GPC5: variants seen among roughly 807,000 people sequenced by gnomAD.
The protein encoded by GPC5 is glypican-5.
Under a neutral mutation model 53.9 loss-of-function variants are expected in GPC5, and 47 were observed. That is an observed-to-expected ratio of 0.87 (90% CI 0.69 to 1.11). The LOEUF (loss-of-function observed/expected upper bound fraction) is 1.11, where lower values mean the gene tolerates loss of function less well. GPC5 is among the 50% of genes most tolerant of loss of function. The pLI, the probability that GPC5 is intolerant of heterozygous loss-of-function variation, is 0.00. For synonymous variants in GPC5, 286 were observed against 263.3 expected, an observed-to-expected ratio of 1.09 and a Z score of -0.84; for missense variants, 748 against 713.1, an observed-to-expected ratio of 1.05 and a Z score of -0.56.
intron 7 of GPC5, among the ~76,000 whole-genome samples, chr13:92,182,329 C>T (rs1275858933): frequency 6.6e-6 from 1 of 152,134 alleles, no homozygotes; most frequent in African/African-American, 2.4e-5. Flanking sequence ...CAGTAAAAAA[C>T]GATCTGTGAC....
At chr13:91,849,226 A>G (rs2038886741) in intron 5 of GPC5, among the ~76,000 whole-genome samples, 1 of 152,136 alleles carries the variant, frequency 6.6e-6, no homozygotes, top group Non-Finnish European at 1.5e-5. Flanking sequence ...TCAGCCCACT[A>G]CTACCTGCCC....
At chr13:92,824,974 A>G (rs1877793802) in intron 7 of GPC5, among the ~76,000 whole-genome samples, 1 of 152,144 alleles carries the variant, frequency 6.6e-6, no homozygotes, top group South Asian at 2.1e-4. Flanking sequence ...CCAAGGTGAA[A>G]TAAAACTTTT....
intron 6 of GPC5, among the ~76,000 whole-genome samples, chr13:91,968,133 GT>G (rs1222344159): frequency 1.3e-5 from 2 of 151,922 alleles, no homozygotes; most frequent in Non-Finnish European, 2.9e-5. Flanking sequence ...GTGTTTCTTA[GT>G]TTTAGAAATG....
At chr13:92,134,067 T>C (rs1016669845) in intron 6 of GPC5, among the ~76,000 whole-genome samples, 14 of 152,290 alleles carry the variant, frequency 9.2e-5, no homozygotes, top group African/African-American at 3.4e-4. Context: ...GCTTCACTTC[T>C]GTAGAGTGTG....
At chr13:92,178,869 G>A (rs763872623) in intron 7 of GPC5, among the ~76,000 whole-genome samples, 2 of 152,122 alleles carry the variant, frequency 1.3e-5, no homozygotes, top group Non-Finnish European at 2.9e-5. Context: ...TACTCAGGAG[G>A]CTGAAGCAGG....
intron 3 of GPC5, among the ~76,000 whole-genome samples, chr13:91,709,708 G>A (rs1192870263): frequency 6.6e-6 from 1 of 152,172 alleles, no homozygotes; most frequent in African/African-American, 2.4e-5. Flanking sequence ...ATATTGATTT[G>A]CAGATGCCCA....
chr13:92,760,587 A>G (rs551082894), intron 7 of GPC5, among the ~76,000 whole-genome samples: 41 of 142,102 alleles, frequency 2.9e-4, no homozygotes, highest in African/African-American at 1.1e-3. Flanking sequence ...GAGTTTTTCA[A>G]TTTTTTTTTT....
At chr13:92,829,622 A>G (rs1353159475) in intron 7 of GPC5, among the ~76,000 whole-genome samples, 2 of 152,160 alleles carry the variant, frequency 1.3e-5, no homozygotes, top group Non-Finnish European at 2.9e-5. Flanking sequence ...CAGTATTTTT[A>G]TCCATTGCTG....
intron 7 of GPC5, among the ~76,000 whole-genome samples, chr13:92,582,012 T>C (rs1258668832): frequency 2.6e-5 from 4 of 152,180 alleles, no homozygotes; most frequent in Non-Finnish European, 5.9e-5. Flanking sequence ...GTCTCTTCAC[T>C]CTGTTGACTG....
intron 7 of GPC5, among the ~76,000 whole-genome samples, chr13:92,599,355 G>C (rs1883974382): frequency 6.6e-6 from 1 of 152,164 alleles, no homozygotes. Context: ...GGATTCGCTA[G>C]AGTAATGAGA....
At chr13:91,981,015 T>C (rs2040352651) in intron 6 of GPC5, among the ~76,000 whole-genome samples, 1 of 152,248 alleles carries the variant, frequency 6.6e-6, no homozygotes. Flanking sequence ...TTTGGACATG[T>C]GAATTCTTTG....
chr13:92,073,021 T>G (rs1343003301), intron 6 of GPC5, among the ~76,000 whole-genome samples: 1 of 130,432 alleles, frequency 7.7e-6, no homozygotes, highest in Admixed American at 7.8e-5. Flanking sequence ...TGTTTTCTCA[T>G]CTTACTTAAA....
intron 5 of GPC5, among the ~76,000 whole-genome samples, chr13:91,877,849 C>T (rs1207520456): frequency 6.6e-6 from 1 of 152,156 alleles, no homozygotes; most frequent in Non-Finnish European, 1.5e-5. Flanking sequence ...CCCAGAATTT[C>T]CACATGTTGT....
intron 6 of GPC5, among the ~76,000 whole-genome samples, chr13:92,080,025 GTTGT>G (rs2138878955): frequency 6.6e-6 from 1 of 152,228 alleles, no homozygotes; most frequent in African/African-American, 2.4e-5. Context: ...TGACCACTGG[GTTGT>G]TTAATTCATG....
chr13:91,698,354 C>G (rs1396407929), intron 3 of GPC5, among the ~76,000 whole-genome samples: 2 of 152,102 alleles, frequency 1.3e-5, no homozygotes, highest in African/African-American at 4.8e-5. Context: ...ATAATATATA[C>G]TAACATACTT....
intron 2 of GPC5, among the ~76,000 whole-genome samples, chr13:91,528,930 C>T (rs759902042): frequency 1.8e-4 from 28 of 152,290 alleles, no homozygotes; most frequent in Non-Finnish European, 3.5e-4. Flanking sequence ...GGGGAAACCA[C>T]CCCCATGATC....
intron 2 of GPC5, among the ~76,000 whole-genome samples, chr13:91,612,765 CTT>C (rs2033592393): frequency 6.6e-6 from 1 of 152,068 alleles, no homozygotes; most frequent in Non-Finnish European, 1.5e-5. Context: ...AATTTATTTT[CTT>C]TGTTAGTATT....
chr13:92,408,915 T>G (rs747888937), intron 7 of GPC5, among the ~76,000 whole-genome samples: 17 of 152,142 alleles, frequency 1.1e-4, no homozygotes, highest in Non-Finnish European at 2.2e-4. Flanking sequence ...AATGGACCTA[T>G]GGAATACACA....
intron 7 of GPC5, among the ~76,000 whole-genome samples, chr13:92,455,125 T>C (rs1374434134): frequency 5.3e-5 from 8 of 152,182 alleles, no homozygotes; most frequent in Non-Finnish European, 1.0e-4. Context: ...GGCTGCAATG[T>C]TACCACCAGG....
Sources: gnomAD v4.1 joint callset for allele counts (sites outside exome capture counted in the v4.1 genomes callset) on GRCh38, gnomAD v4.1.1 for gene constraint, MANE v1.5 for transcripts, NCBI Gene and HGNC (gene_info 2026-07-23, HGNC 2026-07-21) for gene names.